The following CISD2 variants were observed in gnomAD, a reference collection of about 807,000 sequenced individuals.
The protein encoded by CISD2 is CDGSH iron sulfur domain 2.
In CISD2, 1 loss-of-function variant was observed where a neutral mutation model predicts 12.9. The observed-to-expected ratio is 0.08, with a 90% confidence interval of 0.03 to 0.37. The LOEUF (loss-of-function observed/expected upper bound fraction) is 0.37. CISD2 is among the 10% of genes least tolerant of loss of function. The pLI is 0.99. For missense variants in CISD2, 97 were observed against 163.1 expected (o/e 0.59, Z 2.21); for synonymous variants, 50 against 60.6 (o/e 0.83, Z 0.81).
In CISD2 at chr4:102,873,901, A is replaced by G. The variant is rs1649699599; in HGVS notation, c.103+4714A>G. ...ACCGCTTTGGAAGGCTGAGGCAGGC[A>G]GATCACTTGAGGTTGGGAGTACGAA... On this transcript the variant is annotated intron_variant, in intron 1 of 2. Coordinates refer to ENST00000273986, the MANE Select transcript of CISD2 (RefSeq NM_001008388.5). Among the ~76,000 whole-genome samples, 5 of 152,002 alleles carry G rather than the reference A, an allele frequency of 3.3e-5. 1 individual carries two copies. The South Asian group carries it at 1.0e-3, about 32-fold the overall frequency.
chr4:102,885,193 T>C (rs1733843589), intron 1 of CISD2, 23 bp from the exon 2 acceptor site: 5 of 1,591,038 alleles, frequency 3.1e-6, no homozygotes, highest in Non-Finnish European at 4.3e-6. Context: ...GCACTGCAGA[T>C]TCTGACACAT....
At chr4:102,875,847 A>G (rs17033368) in intron 1 of CISD2, among the ~76,000 whole-genome samples, 2,795 of 152,274 alleles carry the variant, frequency 0.018, 80 homozygotes, top group African/African-American at 0.061. Context: ...CAGCAATCCT[A>G]TGAAGTTAGA....
At chr4:102,885,914 G>GAT (rs1465018027) in intron 2 of CISD2, among the ~76,000 whole-genome samples, 1 of 152,164 alleles carries the variant, frequency 6.6e-6, no homozygotes, top group Non-Finnish European at 1.5e-5. Context: ...GGTAGTAAAT[G>GAT]ATAGCCTCAA....
rs1251425651 is a variant in CISD2, at chr4:102,890,071, A to T, written c.*2641A>T. 1 of 152,214 alleles carries T rather than the reference A, an allele frequency of 6.6e-6. No individual in the cohort carries two copies. The highest frequency in any genetic ancestry group is 1.5e-5 in the Non-Finnish European group (1 of 68,030). 9.4% of individuals were successfully genotyped at this position (152,214 alleles called of 1,614,324 possible). Reference sequence around the variant, plus strand: ...AGCAAATGAACATCACTATTACATAAACATCAGGTATCCAAAAGTGTTAGC... The same window carrying T: ...AGCAAATGAACATCACTATTACATATACATCAGGTATCCAAAAGTGTTAGC... On this transcript the variant is annotated 3_prime_UTR_variant, in exon 3 of 3. Coordinates refer to ENST00000273986, the MANE Select transcript of CISD2 (RefSeq NM_001008388.5).
At chr4:102,883,206 C>T (rs1183471430) in intron 1 of CISD2, among the ~76,000 whole-genome samples, 1 of 152,160 alleles carries the variant, frequency 6.6e-6, no homozygotes, top group African/African-American at 2.4e-5. Flanking sequence ...GCCCATGCCC[C>T]CAACCACCTC....
At chr4:102,880,844 T>G (rs529247148) in intron 1 of CISD2, among the ~76,000 whole-genome samples, 1 of 152,094 alleles carries the variant, frequency 6.6e-6, no homozygotes, top group South Asian at 2.1e-4. Context: ...ATACAAAAAT[T>G]AGCTGGGTGT....
chr4:102,876,353 C>T (rs1733591494), intron 1 of CISD2, among the ~76,000 whole-genome samples: 1 of 152,168 alleles, frequency 6.6e-6, no homozygotes, highest in South Asian at 2.1e-4. Flanking sequence ...AATTACTAAG[C>T]ACTGGTTACA....
At chr4:102,871,540 T>C (rs949177945) in intron 1 of CISD2, among the ~76,000 whole-genome samples, 2 of 152,126 alleles carry the variant, frequency 1.3e-5, no homozygotes, top group African/African-American at 4.8e-5. Flanking sequence ...ATGAAAAACA[T>C]GAGATAGCCC....
chr4:102,884,884 A>T (rs1391040593), intron 1 of CISD2, among the ~76,000 whole-genome samples: 1 of 152,204 alleles, frequency 6.6e-6, no homozygotes, highest in Non-Finnish European at 1.5e-5. Context: ...ATATACATTG[A>T]ATTTTGTTTA....
At chr4:102,884,269 A>C (rs925094151) in intron 1 of CISD2, among the ~76,000 whole-genome samples, 16 of 152,216 alleles carry the variant, frequency 1.1e-4, no homozygotes, top group Non-Finnish European at 2.2e-4. Flanking sequence ...GTGTTAAATG[A>C]GCTAGTGCCC....
rs545863501 is a variant in CISD2 at position 102,885,063 on chromosome 4, C to A, written c.104-153C>A. 1.2e-5 allele frequency: 8 copies of A among 676,968 alleles called. No individual in the cohort carries two copies. The African/African-American group carries it at 1.4e-4, about 12-fold the overall frequency. 41.9% of individuals were successfully genotyped at this position (676,968 alleles called of 1,614,324 possible). On this transcript the variant is annotated intron_variant, in intron 1 of 2. Transcript: ENST00000273986. ...GTAAGGTGGTCTTTGGTAGAGCTGG[C>A]TTTATTGTGTTATTTATTCACAGTT...
chr4:102,885,098 C>T (rs1733836561), intron 1 of CISD2, 118 bp from the exon 2 acceptor site: 2 of 806,758 alleles, frequency 2.5e-6, no homozygotes, highest in East Asian at 5.1e-5. Context: ...TTTATGGATC[C>T]ATTAAAAAGG....
At position 102,888,343 on chromosome 4, in the gene CISD2, A is replaced by G. The variant is rs1303815826; in HGVS notation, c.*913A>G. ...ATATACCAAAATCTGCCCATACTCA[A>G]GTCCCACAGAAAGTCTTGCAGAACC... is the stretch of plus-strand genomic sequence containing the variant. On this transcript the variant is annotated 3_prime_UTR_variant, in exon 3 of 3. Transcript: ENST00000273986. 6.6e-6 allele frequency: 1 copy of G among 152,216 alleles called. No individual in the cohort carries two copies. The highest frequency in any genetic ancestry group is 1.5e-5 in the Non-Finnish European group (1 of 68,050). The allele number at this position is 152,216 out of a possible 1,614,324, so 9.4% of individuals were successfully genotyped here.
chr4:102,872,387 T>G (rs1733478209), intron 1 of CISD2, among the ~76,000 whole-genome samples: 1 of 152,160 alleles, frequency 6.6e-6, no homozygotes, highest in Non-Finnish European at 1.5e-5. Flanking sequence ...AGGTTTTAAG[T>G]GGTAATAGTA....
In CISD2 at chr4:102,889,478, C is replaced by T. The variant is rs1287146559; in HGVS notation, c.*2048C>T. On this transcript the variant is annotated 3_prime_UTR_variant, in exon 3 of 3. Coordinates refer to ENST00000273986, the MANE Select transcript of CISD2 (RefSeq NM_001008388.5). ...ACACATGTTCTAGTGGTTCCCATAA[C>T]TTAGATTTTACAGGAGGCAAATTTA... The T allele has an allele frequency of 6.6e-6, 1 of 152,200 alleles. No homozygotes were observed. Among genetic ancestry groups the T allele is most frequent in the Non-Finnish European group, 1.5e-5 (1 of 68,046 alleles). 9.4% of individuals were successfully genotyped at this position (152,200 alleles called of 1,614,324 possible).
At chr4:102,881,030 A>C (rs1038704615) in intron 1 of CISD2, among the ~76,000 whole-genome samples, 1 of 152,078 alleles carries the variant, frequency 6.6e-6, no homozygotes, top group African/African-American at 2.4e-5. Flanking sequence ...CATTATTTAC[A>C]GTTAGTAATA....
chr4:102,885,084 C>T, intron 1 of CISD2, 132 bp from the exon 2 acceptor site: 1 of 746,740 alleles, frequency 1.3e-6, no homozygotes, highest in Non-Finnish European at 2.4e-6. Flanking sequence ...TATTTATTCA[C>T]AGTTTTATGG....
At chr4:102,883,011 G>A (rs979843831) in intron 1 of CISD2, 9 of 152,224 alleles carry the variant, frequency 5.9e-5, no homozygotes, top group African/African-American at 2.2e-4. Flanking sequence ...CTCCCAAAGT[G>A]TTGGGATTAT....
chr4:102,876,497 C>A (rs1733596083), intron 1 of CISD2, among the ~76,000 whole-genome samples: 1 of 152,182 alleles, frequency 6.6e-6, no homozygotes, highest in African/African-American at 2.4e-5. Context: ...TGCCTGTAAT[C>A]CCAGTACTTT....
Sources: gnomAD v4.1 joint callset for allele counts (sites outside exome capture counted in the v4.1 genomes callset) on GRCh38, gnomAD v4.1.1 for gene constraint, MANE v1.5 for transcripts, NCBI Gene and HGNC (gene_info 2026-07-23, HGNC 2026-07-21) for gene names.